NAALADL2: variants seen among roughly 807,000 people sequenced by gnomAD.
The protein encoded by NAALADL2 is N-acetylated alpha-linked acidic dipeptidase like 2.
Under a neutral mutation model 87.2 loss-of-function variants are expected in NAALADL2, and 76 were observed. The observed-to-expected ratio is 0.87, with a 90% CI of 0.72 to 1.05. The LOEUF (loss-of-function observed/expected upper bound fraction) is 1.05, where lower values mean the gene tolerates loss of function less well. Ranked by LOEUF, NAALADL2 falls within the 50% of genes least tolerant of loss-of-function variation. NAALADL2 has a pLI of 0.00. For missense variants in NAALADL2, 1,089 were observed against 945.8 expected (o/e 1.15, Z -1.99); for synonymous variants, 354 against 331.0 (o/e 1.07, Z -0.75).
At chr3:175,406,809 T>C (rs953504640) in intron 5 of NAALADL2, among the ~76,000 whole-genome samples, 1 of 152,134 alleles carries the variant, frequency 6.6e-6, no homozygotes, top group African/African-American at 2.4e-5. Flanking sequence ...TCACATTTTG[T>C]GCATTTTTTT....
rs1424568361 is a variant in NAALADL2 at position 175,633,046 on chromosome 3, A to T, written c.1896+5660A>T. Among the ~76,000 whole-genome samples the T allele has an allele frequency of 5.3e-5, 8 of 152,118 alleles. 1 individual carries two copies. The highest frequency in any genetic ancestry group is 2.0e-4 in the Admixed American group (3 of 15,232). ...GATGTTACCTTAGCAACACTGGTCC[A>T]GCTGAGGAAGAGTAAAATGAGACAG... On this transcript the variant is annotated intron_variant, in intron 11 of 13. Transcript: ENST00000454872.
At chr3:174,784,547 G>C (rs1005669840) in intron 3 of NAALADL2, among the ~76,000 whole-genome samples, 4 of 152,232 alleles carry the variant, frequency 2.6e-5, no homozygotes, top group Non-Finnish European at 5.9e-5. Flanking sequence ...GTGTATTAAA[G>C]ATGTGACAGT....
intron 4 of NAALADL2, among the ~76,000 whole-genome samples, chr3:175,268,188 G>C (rs746209143): frequency 1.3e-5 from 2 of 152,108 alleles, no homozygotes; most frequent in Non-Finnish European, 1.5e-5. Context: ...AGCCTACTGC[G>C]TATCTAGTCT....
At chr3:175,212,896 A>G (rs527957489) in intron 2 of NAALADL2, among the ~76,000 whole-genome samples, 1 of 152,288 alleles carries the variant, frequency 6.6e-6, no homozygotes, top group East Asian at 1.9e-4. Context: ...TATTTGCAGG[A>G]CAGAGTTTAG....
At chr3:174,451,858 T>G (rs1011322187) in intron 1 of NAALADL2, among the ~76,000 whole-genome samples, 23 of 143,362 alleles carry the variant, frequency 1.6e-4, no homozygotes, top group Non-Finnish European at 2.0e-4. Flanking sequence ...TTTTTTTTTT[T>G]TTTTTTTTTT....
chr3:174,790,278 C>T (rs547901634), intron 3 of NAALADL2, among the ~76,000 whole-genome samples: 1 of 152,188 alleles, frequency 6.6e-6, no homozygotes, highest in East Asian at 1.9e-4. Context: ...CCAGAGAAGC[C>T]TATGTGGCAT....
At chr3:174,525,055 C>G (rs865893790) in intron 1 of NAALADL2, among the ~76,000 whole-genome samples, 1 of 152,276 alleles carries the variant, frequency 6.6e-6, no homozygotes, top group African/African-American at 2.4e-5. Flanking sequence ...TCTGTGTGTA[C>G]AGTCGTCTGT....
At chr3:174,633,836 G>A (rs545495) in intron 2 of NAALADL2, among the ~76,000 whole-genome samples, 92,310 of 152,008 alleles carry the variant, frequency 0.61, 29,820 homozygotes, top group Non-Finnish European at 0.71. Flanking sequence ...CTTGCCAAGT[G>A]CAGCTTTTCC....
chr3:174,573,036 C>A (rs1454017442), intron 2 of NAALADL2, among the ~76,000 whole-genome samples: 2 of 152,272 alleles, frequency 1.3e-5, no homozygotes, highest in South Asian at 2.1e-4. Context: ...GCTCCATAAT[C>A]TACTCTCTTA....
At chr3:174,595,168 C>T (rs977937092) in intron 2 of NAALADL2, among the ~76,000 whole-genome samples, 1 of 152,138 alleles carries the variant, frequency 6.6e-6, no homozygotes, top group Non-Finnish European at 1.5e-5. Context: ...TGTACACATT[C>T]AGGTCTCATG....
intron 3 of NAALADL2, among the ~76,000 whole-genome samples, chr3:175,243,663 C>A (rs1040634903): frequency 6.0e-5 from 9 of 149,318 alleles, no homozygotes; most frequent in Admixed American, 3.4e-4. Context: ...GTGGAATGGA[C>A]AGAGCCAAGA....
intron 2 of NAALADL2, among the ~76,000 whole-genome samples, chr3:175,196,446 G>A (rs187563337): frequency 8.6e-5 from 13 of 151,900 alleles, no homozygotes; most frequent in East Asian, 3.9e-4. Flanking sequence ...AAGCTCTTCC[G>A]TTGTCTCTTG....
chr3:175,301,467 T>C (rs1183471893), intron 4 of NAALADL2, among the ~76,000 whole-genome samples: 1 of 152,208 alleles, frequency 6.6e-6, no homozygotes, highest in Non-Finnish European at 1.5e-5. Context: ...CATGTAGCTG[T>C]CTTTTCTGTT....
intron 2 of NAALADL2, among the ~76,000 whole-genome samples, chr3:174,619,773 A>G (rs1281890029): frequency 6.6e-6 from 1 of 151,962 alleles, no homozygotes; most frequent in African/African-American, 2.4e-5. Flanking sequence ...TGTCTTCTTA[A>G]TATTTTTAGG....
At chr3:175,472,087 A>G (rs1724989021) in intron 9 of NAALADL2, among the ~76,000 whole-genome samples, 1 of 151,912 alleles carries the variant, frequency 6.6e-6, no homozygotes, top group African/African-American at 2.4e-5. Context: ...TTTTATGATA[A>G]GCCTGGTTAC....
At chr3:175,714,715 C>A (rs1388466203) in intron 11 of NAALADL2, among the ~76,000 whole-genome samples, 1 of 152,240 alleles carries the variant, frequency 6.6e-6, no homozygotes, top group African/African-American at 2.4e-5. Context: ...TTTTGCTGTG[C>A]AGAAGCTCTT....
At chr3:175,320,669 A>C (rs1581405608) in intron 4 of NAALADL2, among the ~76,000 whole-genome samples, 1 of 152,330 alleles carries the variant, frequency 6.6e-6, no homozygotes, top group African/African-American at 2.4e-5. Flanking sequence ...GGAAAGACAT[A>C]ATGGTCACAA....
At chr3:174,443,984 A>T (rs1430485570) in intron 1 of NAALADL2, among the ~76,000 whole-genome samples, 5 of 144,954 alleles carry the variant, frequency 3.4e-5, no homozygotes, top group African/African-American at 1.2e-4. Context: ...GAAGAAGGTG[A>T]TGGTATACAT....
chr3:174,586,318 C>T (rs577495819), intron 2 of NAALADL2, among the ~76,000 whole-genome samples: 10 of 152,132 alleles, frequency 6.6e-5, no homozygotes, highest in African/African-American at 1.7e-4. Flanking sequence ...TTTAAAAATA[C>T]GATAAATAAG....
Sources: allele counts gnomAD v4.1 joint callset (sites outside exome capture counted in the v4.1 genomes callset), GRCh38; gene constraint gnomAD v4.1.1; transcripts MANE v1.5; gene names NCBI Gene and HGNC (gene_info 2026-07-23, HGNC 2026-07-21).